The following MARCHF6 variants were observed in gnomAD, a reference collection of about 807,000 sequenced individuals.
MARCHF6 encodes E3 ubiquitin-protein ligase MARCHF6.
A neutral mutation model predicts 133.7 loss-of-function variants in MARCHF6; 31 were observed. That is an observed-to-expected ratio of 0.23 (90% CI 0.17 to 0.31). The LOEUF is 0.31. Ranked by LOEUF, MARCHF6 falls within the 10% of genes least tolerant of loss-of-function variation. The pLI, the probability that MARCHF6 is intolerant of heterozygous loss-of-function variation, is 1.00. For missense variants in MARCHF6, 723 were observed against 1,121.6 expected (o/e 0.64, Z 5.08); for synonymous variants, 395 against 402.5 (o/e 0.98, Z 0.22).
chr5:10,403,831 G>A (rs905130263), intron 15 of MARCHF6, among the ~76,000 whole-genome samples: 3 of 152,080 alleles, frequency 2.0e-5, no homozygotes, highest in Non-Finnish European at 4.4e-5. Context: ...ATATACTTTA[G>A]CCATCCTCTA....
chr5:10,354,946 T>C (rs1296487476), intron 1 of MARCHF6, among the ~76,000 whole-genome samples: 3 of 152,224 alleles, frequency 2.0e-5, no homozygotes, highest in African/African-American at 7.2e-5. Flanking sequence ...ACTTATTTTT[T>C]TTTAAAGAAG....
intron 23 of MARCHF6, among the ~76,000 whole-genome samples, chr5:10,425,919 AT>A (rs1227250280): frequency 6.6e-6 from 1 of 152,138 alleles, no homozygotes; most frequent in Non-Finnish European, 1.5e-5. Flanking sequence ...ATACCTTTTG[AT>A]TTGTTAAAAT....
rs1738037291 is a variant in MARCHF6 at position 10,394,121 on chromosome 5, C to T, written c.806C>T (p.Ala269Val). Residue 269 changes from alanine to valine, a missense_variant, in exon 8 of 26, where the codon GCT (alanine) becomes GTT (valine). Coordinates refer to ENST00000274140, the MANE Select transcript of MARCHF6 (RefSeq NM_005885.4). ...AATGCTTTAGAATGGGACCGAGCTG[C>T]TGAAGAGCTTACATGGGAAAGAGTA... ...NWNALEWDRAAEELTWERMLG... is the reference protein window; with the variant it reads ...NWNALEWDRAVEELTWERMLG... 6.4e-7 allele frequency: 1 copy of T among 1,570,382 alleles called. No homozygotes were observed. The highest frequency in any genetic ancestry group is 8.6e-7 in the Non-Finnish European group (1 of 1,156,750).
At chr5:10,426,957 TGTGTA>T (rs1740118595) in intron 24 of MARCHF6, among the ~76,000 whole-genome samples, 1 of 152,254 alleles carries the variant, frequency 6.6e-6, no homozygotes, top group Admixed American at 6.5e-5. Context: ...TCTTGTTGAT[TGTGTA>T]GTGAAGACTC....
chr5:10,416,742 C>A (rs543041888), intron 21 of MARCHF6, among the ~76,000 whole-genome samples: 5 of 152,096 alleles, frequency 3.3e-5, no homozygotes, highest in African/African-American at 2.4e-5. Context: ...GCTTTATTTT[C>A]ATTTTGCCAT....
intron 22 of MARCHF6, among the ~76,000 whole-genome samples, chr5:10,419,892 T>C (rs1739741988): frequency 6.6e-6 from 1 of 152,222 alleles, no homozygotes; most frequent in Non-Finnish European, 1.5e-5. Context: ...TGCCTCTGCT[T>C]TGTGCTATCT....
chr5:10,363,703 CA>C (rs1735958328), intron 1 of MARCHF6, among the ~76,000 whole-genome samples: 1 of 152,116 alleles, frequency 6.6e-6, no homozygotes, highest in African/African-American at 2.4e-5. Flanking sequence ...CAAATAGAAA[CA>C]ACCCAGTGTC....
In MARCHF6 at chr5:10,415,752, C is replaced by A. The variant is rs569571304; in HGVS notation, c.2148+83C>A. 6 of 1,102,106 alleles carry A rather than the reference C, an allele frequency of 5.4e-6. No homozygotes were observed. In the South Asian group the frequency reaches 9.3e-5, roughly 17 times the overall value. 68.3% of individuals were successfully genotyped at this position (1,102,106 alleles called of 1,614,324 possible). ...AGTCATCTTAAATTTTTTTTTTTGGCACATTTATTTCCTTACTATATTGTT... is the reference window on the plus strand; with the variant it reads ...AGTCATCTTAAATTTTTTTTTTTGGAACATTTATTTCCTTACTATATTGTT... On this transcript the variant is annotated intron_variant, in intron 21 of 25. Coordinates refer to ENST00000274140, the MANE Select transcript of MARCHF6 (RefSeq NM_005885.4).
intron 21 of MARCHF6, among the ~76,000 whole-genome samples, chr5:10,416,412 G>A (rs1739517357): frequency 6.6e-6 from 1 of 152,096 alleles, no homozygotes; most frequent in South Asian, 2.1e-4. Context: ...TTTTTATAGT[G>A]AGAGATTCAT....
chr5:10,404,443 A>G (rs986054864), intron 15 of MARCHF6, among the ~76,000 whole-genome samples: 1 of 152,130 alleles, frequency 6.6e-6, no homozygotes, highest in African/African-American at 2.4e-5. Flanking sequence ...TGAGTATTTG[A>G]TTAGTGTACA....
At position 10,423,716 on chromosome 5, in the gene MARCHF6, A is replaced by G. The variant is rs375025247; in HGVS notation, c.2284-19A>G. On this transcript the variant is annotated intron_variant, in intron 22 of 25. Coordinates refer to ENST00000274140, the MANE Select transcript of MARCHF6 (RefSeq NM_005885.4). ...TTAAAAAACAACAGAAATATGTTAAATGGTTTTTAATTCCCTAGGACTGGG... is the reference window on the plus strand; with the variant it reads ...TTAAAAAACAACAGAAATATGTTAAGTGGTTTTTAATTCCCTAGGACTGGG... 103 of 1,552,266 alleles carry G rather than the reference A, an allele frequency of 6.6e-5. No individual in the cohort carries two copies. The highest frequency in any genetic ancestry group is 1.7e-4 in the Middle Eastern group (1 of 5,834).
intron 3 of MARCHF6, among the ~76,000 whole-genome samples, chr5:10,381,361 G>C (rs1737132717): frequency 6.6e-6 from 1 of 152,160 alleles, no homozygotes; most frequent in Non-Finnish European, 1.5e-5. Flanking sequence ...GGACTGTTGT[G>C]CTTTTTGAGT....
At chr5:10,385,821 T>A (rs1366836128) in intron 4 of MARCHF6, among the ~76,000 whole-genome samples, 2 of 152,206 alleles carry the variant, frequency 1.3e-5, no homozygotes, top group Non-Finnish European at 2.9e-5. Context: ...AACATGCCTC[T>A]TTGAAATCAG....
intron 1 of MARCHF6, among the ~76,000 whole-genome samples, chr5:10,368,572 T>TTTTG (rs748874576): frequency 2.0e-5 from 3 of 152,020 alleles, no homozygotes; most frequent in African/African-American, 7.2e-5. Flanking sequence ...CAGGAGTGTT[T>TTTTG]TTTGTTTGTT....
At chr5:10,382,579 G>A (rs1265761133) in intron 4 of MARCHF6, among the ~76,000 whole-genome samples, 1 of 152,022 alleles carries the variant, frequency 6.6e-6, no homozygotes, top group East Asian at 1.9e-4. Context: ...TGTAATCCCA[G>A]CACTTTGGGA....
intron 1 of MARCHF6, among the ~76,000 whole-genome samples, chr5:10,354,168 T>A (rs1367171878): frequency 6.6e-6 from 1 of 151,892 alleles, no homozygotes; most frequent in African/African-American, 2.4e-5. Flanking sequence ...GGTCGGGGCC[T>A]CGGGGCTACT....
intron 15 of MARCHF6, among the ~76,000 whole-genome samples, chr5:10,405,090 G>A (rs77586083): frequency 0.016 from 2,485 of 152,132 alleles, 58 homozygotes; most frequent in African/African-American, 0.056. Flanking sequence ...TTACACAGAG[G>A]GTAACTCAGT....
At chr5:10,427,613 G>T (rs879830463) in intron 24 of MARCHF6, among the ~76,000 whole-genome samples, 1 of 151,980 alleles carries the variant, frequency 6.6e-6, no homozygotes, top group Admixed American at 6.6e-5. Context: ...CCCTTTAACC[G>T]TGAGAGAGGA....
intron 7 of MARCHF6, among the ~76,000 whole-genome samples, chr5:10,392,206 C>T (rs1001581093): frequency 6.6e-6 from 1 of 152,170 alleles, no homozygotes; most frequent in South Asian, 2.1e-4. Context: ...AGCCGCCCAT[C>T]TCGGCCTCCA....
Sources: gnomAD v4.1 joint callset for allele counts (sites outside exome capture counted in the v4.1 genomes callset) on GRCh38, gnomAD v4.1.1 for gene constraint, MANE v1.5 for transcripts, NCBI Gene and HGNC (gene_info 2026-07-23, HGNC 2026-07-21) for gene names.